UGGT1: variants seen among roughly 807,000 people sequenced by gnomAD.
UGGT1 encodes UDP-glucose glycoprotein glucosyltransferase 1.
A neutral mutation model predicts 203.9 loss-of-function variants in UGGT1; 107 were observed. The observed-to-expected ratio is 0.52, with a 90% CI of 0.45 to 0.62. The LOEUF is 0.62. Among genes scored for constraint, UGGT1 ranks in the 20% least tolerant of loss-of-function variants. The pLI is 0.00. For synonymous variants in UGGT1, 628 were observed against 653.5 expected, an observed-to-expected ratio of 0.96 and a Z score of 0.59; for missense variants, 1,673 against 1,867.2, an observed-to-expected ratio of 0.90 and a Z score of 1.92.
rs186528895 is a variant in UGGT1, at chr2:128,114,418, A to G, written c.697-706A>G. 2.6e-5 allele frequency among the ~76,000 whole-genome samples: 4 copies of G among 152,264 alleles called. No individual in the cohort carries two copies. In the East Asian group the frequency reaches 5.8e-4, roughly 22 times the overall value. Reference sequence around the variant, plus strand: ...CAGGCGTGAGTCACTGTGCTTGGCCATAAAATTTTAAATGAAAATTTGTAC... The same window carrying G: ...CAGGCGTGAGTCACTGTGCTTGGCCGTAAAATTTTAAATGAAAATTTGTAC... On this transcript the variant is annotated intron_variant, in intron 6 of 40. Transcript: ENST00000259253.
chr2:128,114,096 CA>C (rs1257027517), intron 6 of UGGT1, among the ~76,000 whole-genome samples: 1 of 151,262 alleles, frequency 6.6e-6, no homozygotes, highest in East Asian at 1.9e-4. Flanking sequence ...TAAGTTCATG[CA>C]AAAAAAATAA....
At chr2:128,129,305 A>AAGGG in intron 13 of UGGT1, 126 bp downstream of exon 13, 2 of 1,145,564 alleles carry the variant, frequency 1.7e-6, no homozygotes, top group Non-Finnish European at 2.4e-6. Flanking sequence ...AAGATTTATA[A>AAGGG]TTGCTTATAT....
Position 128,182,698 on chromosome 2 carries a change from C to CAAAAAAAA in UGGT1, c.4244+416_4244+423dup, listed in dbSNP as rs70988612. Among the ~76,000 whole-genome samples, 164 of 118,286 alleles carry CAAAAAAAA rather than the reference C, an allele frequency of 1.4e-3. 3 individuals carry two copies. Among genetic ancestry groups the CAAAAAAAA allele is most frequent in the African/African-American group, 4.4e-3 (136 of 31,114 alleles). The allele number at this position is 118,286 out of a possible 152,430, so 77.6% of individuals were successfully genotyped here. ...TGGATGACAGAGTGAGATTCCATCTCAAAAAAAAAAAAAAATACAGTGTAA... is the reference window on the plus strand; with the variant it reads ...TGGATGACAGAGTGAGATTCCATCTCAAAAAAAAAAAAAAAAAAAAAAATACAGTGTAA... On this transcript the variant is annotated intron_variant, in intron 37 of 40. Transcript: ENST00000259253.
intron 15 of UGGT1, among the ~76,000 whole-genome samples, chr2:128,136,804 C>A (rs73955939): frequency 6.6e-6 from 1 of 152,130 alleles, no homozygotes; most frequent in South Asian, 2.1e-4. Context: ...TCTAAAGTAG[C>A]GGTACCATTT....
rs73955959 is a variant in UGGT1 at position 128,159,473 on chromosome 2, A to G, written c.2356-41A>G. On this transcript the variant is annotated intron_variant, in intron 22 of 40. Coordinates refer to ENST00000259253, the MANE Select transcript of UGGT1 (RefSeq NM_020120.4). Reference sequence around the variant, plus strand: ...GTTAATGCTGCTTTTTAAGTTCAAAAATATCTACAATATGACTCCCGTTTC... The same window carrying G: ...GTTAATGCTGCTTTTTAAGTTCAAAGATATCTACAATATGACTCCCGTTTC... 6.6e-4 allele frequency: 1,038 copies of G among 1,575,864 alleles called. 8 individuals carry two copies. In the Middle Eastern group the frequency reaches 0.013, roughly 20 times the overall value.
chr2:128,192,954 GGATTAT>G lies in UGGT1; in HGVS notation c.*3215_*3220del, dbSNP rs1256811366. 1 of 151,498 alleles carries G rather than the reference GGATTAT, an allele frequency of 6.6e-6. No individual in the cohort carries two copies. The highest frequency in any genetic ancestry group is 1.5e-5 in the Non-Finnish European group (1 of 67,938). The allele number at this position is 151,498 out of a possible 1,614,324, so 9.4% of individuals were successfully genotyped here. A position where few individuals can be genotyped will look rare whatever the true frequency, so the allele number is the denominator to read the frequency against. ...AGCACTTTGGGAAGCCGAGGCGGGC[GGATTAT>G]GAGGTCAAGAGATAGAGACCATCCT... On this transcript the variant is annotated 3_prime_UTR_variant, in exon 41 of 41. Transcript: ENST00000259253.
rs139003872 is a variant in UGGT1 at position 128,117,993 on chromosome 2, TGAGAGA to T, written c.872+1668_872+1673del. 3.3e-3 allele frequency among the ~76,000 whole-genome samples: 321 copies of T among 97,724 alleles called. 1 individual carries two copies. Among genetic ancestry groups the T allele is most frequent in the African/African-American group, 8.7e-3 (286 of 32,822 alleles). The allele number at this position is 97,724 out of a possible 152,430, so 64.1% of individuals were successfully genotyped here. A position where few individuals can be genotyped will look rare whatever the true frequency, so the allele number is the denominator to read the frequency against. On this transcript the variant is annotated intron_variant, in intron 8 of 40. Transcript: ENST00000259253. ...GTGTGTGTGTCTGTGTGTGTGTGTG[TGAGAGA>T]GAGAGAGAGAGAGAGAGGGAAAGAG...
At chr2:128,116,220 A>T (rs1688093601) in intron 7 of UGGT1, 45 bp from the exon 8 acceptor site, 1 of 1,333,400 alleles carries the variant, frequency 7.5e-7, no homozygotes, top group Non-Finnish European at 1.1e-6. Flanking sequence ...TTTTGTTTCA[A>T]ATCTGAGCAA....
At position 128,173,940 on chromosome 2, in the gene UGGT1, GTAAA is replaced by G. The variant is rs757989286; in HGVS notation, c.3453+5_3453+8del. The G allele has an allele frequency of 1.7e-5, 28 of 1,613,706 alleles. No homozygotes were observed. The Middle Eastern group carries it at 4.9e-4, about 28-fold the overall frequency. On this transcript the variant is annotated splice_donor_variant and splice_donor_5th_base_variant and intron_variant, in intron 30 of 40. Transcript: ENST00000259253. LOFTEE classifies it high-confidence loss of function. ...GGACACCATTGTTATGGCCAATCTG[GTAAA>G]TAATCTGTTCATCAGATAGTGATAT...
At chr2:128,171,945 G>A (rs1431698655) in intron 28 of UGGT1, among the ~76,000 whole-genome samples, 7 of 152,186 alleles carry the variant, frequency 4.6e-5, no homozygotes, top group African/African-American at 1.4e-4. Context: ...AAAGCAGTTA[G>A]CGTTGTGGCT....
intron 1 of UGGT1, among the ~76,000 whole-genome samples, chr2:128,094,709 G>A (rs1433550206): frequency 6.7e-6 from 1 of 149,616 alleles, no homozygotes; most frequent in Non-Finnish European, 1.5e-5. Flanking sequence ...GTGGGAAAGG[G>A]TGTCTATGGT....
At chr2:128,099,250 C>T (rs1462281172) in intron 2 of UGGT1, among the ~76,000 whole-genome samples, 1 of 152,066 alleles carries the variant, frequency 6.6e-6, no homozygotes, top group African/African-American at 2.4e-5. Flanking sequence ...CTCAAGCCAT[C>T]CTCCCACCTA....
rs373908136 is a variant in UGGT1, at chr2:128,099,105, T to G, written c.194+1541T>G. Among the ~76,000 whole-genome samples the G allele has an allele frequency of 2.0e-5, 3 of 152,308 alleles. No individual in the cohort carries two copies. The East Asian group carries it at 5.8e-4, about 29-fold the overall frequency. On this transcript the variant is annotated intron_variant, in intron 2 of 40. Transcript: ENST00000259253. ...GACTGTCACATCACTCCAATCAGCC[T>G]TGTGGTCTGTCTTCTTCATCTTCAA...
At chr2:128,116,200 C>G in intron 7 of UGGT1, 65 bp from the exon 8 acceptor site, 4 of 1,008,274 alleles carry the variant, frequency 4.0e-6, no homozygotes, top group Non-Finnish European at 6.1e-6. Context: ...GTTTATGAGA[C>G]TAGTAACGTT....
chr2:128,171,602 G>C (rs956895384), intron 28 of UGGT1, among the ~76,000 whole-genome samples: 1 of 152,100 alleles, frequency 6.6e-6, no homozygotes. Context: ...CTGCCTCCCG[G>C]GTTCAAGGGA....
chr2:128,133,093 C>T, intron 13 of UGGT1, 48 bp from the exon 14 acceptor site: 1 of 1,595,186 alleles, frequency 6.3e-7, no homozygotes. Flanking sequence ...GCAGGTTTTA[C>T]TAACTGGTTC....
chr2:128,112,454 T>TTTTATATATATATATATATATA (rs149422257), intron 5 of UGGT1, among the ~76,000 whole-genome samples: 11 of 55,800 alleles, frequency 2.0e-4, no homozygotes, highest in African/African-American at 3.2e-4. Flanking sequence ...AAATACTATG[T>TTTTATATATATATATATATATA]TATATATATA....
At chr2:128,139,043 CA>C (rs755091916) in intron 16 of UGGT1, among the ~76,000 whole-genome samples, 191 bp downstream of exon 16, 1 of 152,116 alleles carries the variant, frequency 6.6e-6, no homozygotes, top group African/African-American at 2.4e-5. Flanking sequence ...GCAGGGATGC[CA>C]GTTGATGAGC....
In UGGT1 at chr2:128,149,745, C is replaced by T. The variant is rs149395742; in HGVS notation, c.2017-3039C>T. On this transcript the variant is annotated intron_variant, in intron 18 of 40. Coordinates refer to ENST00000259253, the MANE Select transcript of UGGT1 (RefSeq NM_020120.4). Reference sequence around the variant, plus strand: ...GAACCAAGTGCAGCCGAGATTGCGCCACTGCACTCCAGCCAGGGTGACAGA... The same window carrying T: ...GAACCAAGTGCAGCCGAGATTGCGCTACTGCACTCCAGCCAGGGTGACAGA... Among the ~76,000 whole-genome samples the T allele has an allele frequency of 5.2e-3, 790 of 151,026 alleles. 12 individuals carry two copies. The highest frequency in any genetic ancestry group is 0.017 in the African/African-American group (697 of 41,176).
Sources: gnomAD v4.1 joint callset for allele counts (sites outside exome capture counted in the v4.1 genomes callset) on GRCh38, gnomAD v4.1.1 for gene constraint, MANE v1.5 for transcripts, NCBI Gene and HGNC (gene_info 2026-07-23, HGNC 2026-07-21) for gene names.